The following NTRK1 variants were observed in gnomAD, a reference collection of about 807,000 sequenced individuals.
The protein encoded by NTRK1 is neurotrophic receptor tyrosine kinase 1.
NTRK1 carries 62 observed loss-of-function variants against 86.8 expected under a neutral mutation model. That is an observed-to-expected ratio of 0.71 (90% CI 0.58 to 0.88). The LOEUF (loss-of-function observed/expected upper bound fraction) is 0.88, where lower values mean the gene tolerates loss of function less well. Ranked by LOEUF, NTRK1 falls within the 40% of genes least tolerant of loss-of-function variation. NTRK1 has a pLI of 0.00. For missense variants in NTRK1, 967 were observed against 1,078.4 expected, an observed-to-expected ratio of 0.90 and a Z score of 1.45; for synonymous variants, 469 against 456.6, an observed-to-expected ratio of 1.03 and a Z score of -0.35.
intron 2 of NTRK1, chr1:156,849,118 CATCCCATTCCCAGTGAGACCTCT>C: frequency 2.5e-6 from 4 of 1,597,228 alleles, no homozygotes; most frequent in Non-Finnish European, 3.4e-6. Flanking sequence ...GACCCCGCGG[CATCCCATTCCCAGTGAGACCTCT>C]GAGGAGAACT....
chr1:156,853,976 GC>G (rs751894756), intron 2 of NTRK1: 14 of 1,613,352 alleles, frequency 8.7e-6, no homozygotes, highest in Non-Finnish European at 1.2e-5. Flanking sequence ...CACACGCACA[GC>G]CCCACGCAGC....
At chr1:156,875,452 C>T (rs2102914738) in intron 11 of NTRK1, 68 bp from the exon 12 acceptor site, 2 of 1,603,932 alleles carry the variant, frequency 1.2e-6, no homozygotes, top group Non-Finnish European at 1.7e-6. Context: ...ACCAGGCATC[C>T]TGCAGGCAAG....
intron 2 of NTRK1, chr1:156,851,765 C>A (rs1241059654): frequency 4.3e-6 from 7 of 1,611,360 alleles, no homozygotes; most frequent in Non-Finnish European, 4.2e-6. Context: ...AGGGCACAGC[C>A]CCTCGCACTT....
chr1:156,875,749 G>T, intron 12 of NTRK1, 83 bp downstream of exon 12: 2 of 1,528,298 alleles, frequency 1.3e-6, no homozygotes, highest in South Asian at 2.3e-5. Flanking sequence ...AAGCCCCTAG[G>T]CCTGAACGAT....
rs200937156 is a variant in NTRK1, at chr1:156,875,524, G to A, written c.1359G>A (p.Pro453=). ...GCGGCTGTGTCTCCTCTCTAGGCCCGGCTGTGCTGGCTCCAGAGGATGGGC... is the reference window on the plus strand; with the variant it reads ...GCGGCTGTGTCTCCTCTCTAGGCCCAGCTGTGCTGGCTCCAGAGGATGGGC... ...GRRNKFGINR[P]AVLAPEDGLA... is the part of the protein sequence containing the mutation. The change falls in exon 12 of 17, where the codon CCG becomes CCA. Residue 453 remains proline, a synonymous_variant. Transcript: ENST00000524377. 13 of 1,613,828 alleles carry A rather than the reference G, an allele frequency of 8.1e-6. No homozygotes were observed. Among genetic ancestry groups the A allele is most frequent in the East Asian group, 2.2e-5 (1 of 44,870 alleles).
At chr1:156,824,947 A>G (rs1010417294) in intron 1 of NTRK1, among the ~76,000 whole-genome samples, 1 of 152,096 alleles carries the variant, frequency 6.6e-6, no homozygotes, top group Admixed American at 6.5e-5. Context: ...CTGGAGTACA[A>G]TGGCGCCTCT....
rs1044309085 is a variant in NTRK1 at position 156,854,880 on chromosome 1, C to T, written c.51-9474C>T. On this transcript the variant is annotated intron_variant, in intron 2 of 16. Coordinates refer to the NTRK1 transcript ENST00000392302. The surrounding 1 kb of genome is among the most constrained non-coding windows in gnomAD (Gnocchi z 4.2). ...CGTTTCTCCTCTGCTTATAACCCCC[C>T]GTGACTTCCATCTCTCTTGATCTTA... Among the ~76,000 whole-genome samples, 4 of 152,144 alleles carry T rather than the reference C, an allele frequency of 2.6e-5. No homozygotes were observed. The highest frequency in any genetic ancestry group is 1.9e-4 in the East Asian group (1 of 5,186).
chr1:156,817,065 C>CTCTCTCTCTCTCTCTCTG (rs1284961306), intron 1 of NTRK1, among the ~76,000 whole-genome samples: 1 of 151,712 alleles, frequency 6.6e-6, no homozygotes, highest in East Asian at 1.9e-4. Flanking sequence ...CTCTCTCTCT[C>CTCTCTCTCTCTCTCTCTG]TCTCTCTCTC....
chr1:156,864,599 GA>G (rs869177397), intron 2 of NTRK1, 128 bp from the exon 3 acceptor site: 1 of 1,173,682 alleles, frequency 8.5e-7, no homozygotes, highest in Non-Finnish European at 1.3e-6. Context: ...AGTAGTTGAG[GA>G]AACAATGAGG....
chr1:156,865,795 A>G (rs1174576203), intron 3 of NTRK1, among the ~76,000 whole-genome samples: 3 of 152,178 alleles, frequency 2.0e-5, no homozygotes, highest in African/African-American at 4.8e-5. Context: ...CTGTCCCCCA[A>G]TATGAGCAGG....
chr1:156,824,963 C>A (rs903888615), intron 1 of NTRK1, among the ~76,000 whole-genome samples: 1 of 152,194 alleles, frequency 6.6e-6, no homozygotes, highest in African/African-American at 2.4e-5. Flanking sequence ...CCTCTCAGCT[C>A]ACTGCAACCT....
intron 2 of NTRK1, chr1:156,846,166 T>C: frequency 6.6e-7 from 1 of 1,520,910 alleles, no homozygotes; most frequent in South Asian, 1.3e-5. Flanking sequence ...GTCTTCCTCC[T>C]GAATACTATC....
chr1:156,861,175 G>A, intron 1 of NTRK1, 29 bp downstream of exon 1: 1 of 1,536,656 alleles, frequency 6.5e-7, no homozygotes, highest in Admixed American at 2.0e-5. Context: ...GTGGGGGGGC[G>A]CGGGGACAGG....
intron 1 of NTRK1, among the ~76,000 whole-genome samples, 178 bp downstream of exon 1, chr1:156,861,324 C>T (rs1176105766): frequency 1.3e-5 from 2 of 151,556 alleles, no homozygotes; most frequent in South Asian, 2.1e-4. Flanking sequence ...CCCTAGCAAG[C>T]TTTATGGTCA....
chr1:156,858,635 G>C, upstream of NTRK1: 1 of 1,612,652 alleles, frequency 6.2e-7, no homozygotes, highest in Non-Finnish European at 8.5e-7. Context: ...CCCAGCCCTG[G>C]CTTGTGTCCA....
At chr1:156,872,824 CT>C (rs1235666335) in intron 7 of NTRK1, among the ~76,000 whole-genome samples, 1 of 151,894 alleles carries the variant, frequency 6.6e-6, no homozygotes, top group Non-Finnish European at 1.5e-5. Context: ...TACAGGCGCC[CT>C]CCACCACGCC....
chr1:156,880,889 T>C (rs1394499226), intron 16 of NTRK1, among the ~76,000 whole-genome samples: 1 of 152,220 alleles, frequency 6.6e-6, no homozygotes, highest in African/African-American at 2.4e-5. Flanking sequence ...ATTCCTTGGC[T>C]GCTTTAGCAG....
At chr1:156,856,368 A>G (rs908135440), upstream of NTRK1, among the ~76,000 whole-genome samples, 12 of 152,192 alleles carry the variant, frequency 7.9e-5, no homozygotes, top group African/African-American at 2.9e-4. Flanking sequence ...TGTCTCTCCC[A>G]GTCTTAAGGG....
At chr1:156,818,154 C>T (rs748845500) in intron 1 of NTRK1, among the ~76,000 whole-genome samples, 11 of 152,100 alleles carry the variant, frequency 7.2e-5, no homozygotes, top group Non-Finnish European at 1.6e-4. Context: ...CTTCCTTTCA[C>T]TAATTTCACT....
Sources: gnomAD v4.1 joint callset for allele counts (sites outside exome capture counted in the v4.1 genomes callset) on GRCh38, gnomAD v4.1.1 for gene constraint, Gnocchi (gnomAD v3.1) non-coding constraint, MANE v1.5 for transcripts, NCBI Gene and HGNC (gene_info 2026-07-23, HGNC 2026-07-21) for gene names.